The following GMDS variants were observed in gnomAD, a reference collection of about 807,000 sequenced individuals.
GMDS encodes GDP-mannose 4,6-dehydratase, also known as GDP-mannose 4,6 dehydratase.
Under a neutral mutation model 49.9 loss-of-function variants are expected in GMDS, and 20 were observed. The observed-to-expected ratio is 0.40, with a 90% CI of 0.28 to 0.58. The LOEUF (loss-of-function observed/expected upper bound fraction) is 0.58, where lower values mean the gene tolerates loss of function less well. GMDS is among the 20% of genes least tolerant of loss of function. GMDS has a pLI of 0.42. For synonymous variants in GMDS, 177 were observed against 178.6 expected (o/e 0.99, Z 0.07); for missense variants, 362 against 481.4 (o/e 0.75, Z 2.32).
At chr6:1,797,870 A>G (rs1769799834) in intron 7 of GMDS, among the ~76,000 whole-genome samples, 1 of 152,236 alleles carries the variant, frequency 6.6e-6, no homozygotes, top group South Asian at 2.1e-4. Context: ...GCCTTGGCAT[A>G]TACCAGGACA....
chr6:2,117,639 A>C (rs1774918773), intron 2 of GMDS, 83 bp from the exon 3 acceptor site: 2 of 775,696 alleles, frequency 2.6e-6, no homozygotes, highest in African/African-American at 3.5e-5. Flanking sequence ...CTTTATGAAA[A>C]AAATGATTTG....
chr6:1,985,251 A>G (rs1038902729), intron 4 of GMDS, among the ~76,000 whole-genome samples: 1 of 152,192 alleles, frequency 6.6e-6, no homozygotes, highest in Non-Finnish European at 1.5e-5. Flanking sequence ...ATGAAGCTCT[A>G]TGCCACCAAT....
At chr6:1,889,004 C>G (rs990085398) in intron 7 of GMDS, among the ~76,000 whole-genome samples, 1 of 152,162 alleles carries the variant, frequency 6.6e-6, no homozygotes, top group African/African-American at 2.4e-5. Flanking sequence ...ACTAGGCCTC[C>G]CAAAGGAGGG....
chr6:2,056,063 C>T (rs1451424700), intron 4 of GMDS, among the ~76,000 whole-genome samples: 1 of 152,034 alleles, frequency 6.6e-6, no homozygotes, highest in African/African-American at 2.4e-5. Context: ...ATTTTATGCA[C>T]CACACAGAAA....
At chr6:1,684,073 C>T (rs1482832030) in intron 9 of GMDS, among the ~76,000 whole-genome samples, 4 of 151,382 alleles carry the variant, frequency 2.6e-5, no homozygotes, top group Non-Finnish European at 5.9e-5. Context: ...CATCAGTAGA[C>T]CTGGATCCGC....
intron 7 of GMDS, among the ~76,000 whole-genome samples, chr6:1,904,564 TC>T (rs1760660851): frequency 6.6e-6 from 1 of 152,228 alleles, no homozygotes; most frequent in Non-Finnish European, 1.5e-5. Flanking sequence ...TTGTTTCCTT[TC>T]CGGCCAGGCT....
intron 9 of GMDS, among the ~76,000 whole-genome samples, chr6:1,707,038 A>G (rs1029159546): frequency 7.2e-5 from 11 of 152,202 alleles, no homozygotes; most frequent in African/African-American, 2.7e-4. Context: ...CTTGCTGTCA[A>G]CTGAATCAGG....
intron 1 of GMDS, among the ~76,000 whole-genome samples, chr6:2,179,540 T>C (rs184292722): frequency 6.6e-6 from 1 of 152,162 alleles, no homozygotes; most frequent in African/African-American, 2.4e-5. Flanking sequence ...CGTGAGAACA[T>C]CCTCCAGAGG....
chr6:2,080,336 T>C (rs1447583841), intron 4 of GMDS, among the ~76,000 whole-genome samples: 1 of 152,224 alleles, frequency 6.6e-6, no homozygotes, highest in East Asian at 1.9e-4. Flanking sequence ...ATCGGAATCA[T>C]TGCTGAAGAA....
At chr6:2,114,601 T>C (rs2127498626) in intron 4 of GMDS, among the ~76,000 whole-genome samples, 1 of 152,278 alleles carries the variant, frequency 6.6e-6, no homozygotes, top group African/African-American at 2.4e-5. Flanking sequence ...AACAGAATCA[T>C]CACAGATTAA....
At chr6:1,791,894 A>C (rs1029460780) in intron 7 of GMDS, among the ~76,000 whole-genome samples, 5 of 152,186 alleles carry the variant, frequency 3.3e-5, no homozygotes, top group Non-Finnish European at 7.4e-5. Flanking sequence ...ATAATAAAAA[A>C]CAGAAATCTC....
intron 1 of GMDS, among the ~76,000 whole-genome samples, chr6:2,214,226 G>T (rs997485114): frequency 6.6e-6 from 1 of 152,142 alleles, no homozygotes; most frequent in Non-Finnish European, 1.5e-5. Flanking sequence ...TTGGAAATTG[G>T]TATGAAACCA....
intron 9 of GMDS, among the ~76,000 whole-genome samples, chr6:1,670,149 A>AC (rs1764371850): frequency 6.6e-6 from 1 of 151,714 alleles, no homozygotes; most frequent in Admixed American, 6.6e-5. Context: ...GCACTGCCCC[A>AC]CCCCCTCAAC....
Position 1,682,860 on chromosome 6 carries a change from C to T in GMDS, c.987+43556G>A, listed in dbSNP as rs1402865693. ...CTGGGATTACAGGCGTGAGCCACCGCGCCCGGCCTCATTTTTTTAGAAAGG... is the reference window on the plus strand; with the variant it reads ...CTGGGATTACAGGCGTGAGCCACCGTGCCCGGCCTCATTTTTTTAGAAAGG... On this transcript the variant is annotated intron_variant, in intron 9 of 10. Transcript: ENST00000380815. Among the ~76,000 whole-genome samples, 2 of 2,508 alleles carry T rather than the reference C, an allele frequency of 8.0e-4. 1 individual carries two copies. The highest frequency in any genetic ancestry group is 2.4e-3 in the Admixed American group (2 of 844). The allele number at this position is 2,508 out of a possible 152,430, so 1.6% of individuals were successfully genotyped here.
At chr6:2,118,990 A>G (rs1040869993) in intron 2 of GMDS, among the ~76,000 whole-genome samples, 1 of 152,178 alleles carries the variant, frequency 6.6e-6, no homozygotes, top group Non-Finnish European at 1.5e-5. Context: ...TATTTCACAT[A>G]TATACTTATA....
intron 7 of GMDS, among the ~76,000 whole-genome samples, chr6:1,851,482 C>T (rs919679594): frequency 6.6e-6 from 1 of 152,012 alleles, no homozygotes; most frequent in Admixed American, 6.6e-5. Flanking sequence ...AAGTTAGGAC[C>T]TTCGGGGCAG....
intron 4 of GMDS, among the ~76,000 whole-genome samples, chr6:2,098,545 GA>G (rs1237659256): frequency 6.6e-6 from 1 of 152,120 alleles, no homozygotes; most frequent in Non-Finnish European, 1.5e-5. Flanking sequence ...ATAAAAGGTA[GA>G]AAAAGTCTAA....
rs553861368 is a variant in GMDS at position 1,640,493 on chromosome 6, C to T, written c.988-15953G>A. On this transcript the variant is annotated intron_variant, in intron 9 of 10. Coordinates refer to ENST00000380815, the MANE Select transcript of GMDS (RefSeq NM_001500.4). The surrounding 1 kb of genome is among the most constrained non-coding windows in gnomAD (Gnocchi z 4.0). The stretch of plus-strand genomic sequence containing the variant: ...GTGTTGGCCACTCCCCAGCCTTGAA[C>T]CTCCCTGACCTCTCTGCTGAGCGGC... 1.3e-5 allele frequency among the ~76,000 whole-genome samples: 2 copies of T among 152,320 alleles called. No individual in the cohort carries two copies. The highest frequency in any genetic ancestry group is 4.8e-5 in the African/African-American group (2 of 41,582).
At chr6:2,026,123 C>G (rs1176192347) in intron 4 of GMDS, among the ~76,000 whole-genome samples, 1 of 152,086 alleles carries the variant, frequency 6.6e-6, no homozygotes, top group African/African-American at 2.4e-5. Context: ...TCAACAGATA[C>G]CCACCAAAAA....
Sources: allele counts gnomAD v4.1 joint callset (sites outside exome capture counted in the v4.1 genomes callset), GRCh38; gene constraint gnomAD v4.1.1; non-coding constraint Gnocchi (gnomAD v3.1); transcripts MANE v1.5; gene names NCBI Gene and HGNC (gene_info 2026-07-23, HGNC 2026-07-21).